SERPINI1: variants seen among roughly 807,000 people sequenced by gnomAD.
SERPINI1 encodes the protein serpin family I member 1.
SERPINI1 carries 19 observed loss-of-function variants against 41.1 expected under a neutral mutation model. The ratio of observed to expected loss-of-function variants is 0.46; its 90% confidence interval spans 0.32 to 0.68. The LOEUF is 0.68. SERPINI1 is among the 30% of genes least tolerant of loss of function. The pLI is 0.03. For synonymous variants in SERPINI1, 138 were observed against 156.6 expected (o/e 0.88, Z 0.89); for missense variants, 460 against 479.2 (o/e 0.96, Z 0.37).
chr3:167,776,173 A>G (rs989038649), intron 1 of SERPINI1, among the ~76,000 whole-genome samples: 10 of 152,248 alleles, frequency 6.6e-5, no homozygotes, highest in Middle Eastern at 3.4e-3. Context: ...GCCACATGCA[A>G]CCTTGATTGA....
At chr3:167,783,964 A>G (rs897538211) in intron 1 of SERPINI1, among the ~76,000 whole-genome samples, 8 of 152,172 alleles carry the variant, frequency 5.3e-5, no homozygotes, top group Admixed American at 5.2e-4. Context: ...TCTTGGCAGA[A>G]TGTGTCATCA....
chr3:167,792,889 G>A, intron 4 of SERPINI1, 105 bp downstream of exon 4: 3 of 986,496 alleles, frequency 3.0e-6, no homozygotes, highest in Non-Finnish European at 4.7e-6. Flanking sequence ...ATCTAATTTG[G>A]GCTACAATTC....
At position 167,751,350 on chromosome 3, in the gene SERPINI1, A is replaced by T. The variant is rs565458793; in HGVS notation, c.-19+15527A>T. On this transcript the variant is annotated intron_variant, in intron 1 of 8. Coordinates refer to ENST00000446050, the MANE Select transcript of SERPINI1 (RefSeq NM_001122752.2). ...TAAATTTAAAATATGCTATTGAATTATTAACATAGTTTTTGGAATATGTCT... is the reference window on the plus strand; with the variant it reads ...TAAATTTAAAATATGCTATTGAATTTTTAACATAGTTTTTGGAATATGTCT... Among the ~76,000 whole-genome samples the T allele has an allele frequency of 2.3e-4, 35 of 152,226 alleles. 1 individual carries two copies. The highest frequency in any genetic ancestry group is 4.3e-4 in the Non-Finnish European group (29 of 68,036).
intron 1 of SERPINI1, among the ~76,000 whole-genome samples, chr3:167,755,002 G>C (rs1726153689): frequency 6.6e-6 from 1 of 152,110 alleles, no homozygotes; most frequent in Admixed American, 6.5e-5. Flanking sequence ...CCTTCCTGCA[G>C]CCTCATGCAG....
chr3:167,801,232 T>C (rs1727889203), intron 5 of SERPINI1, among the ~76,000 whole-genome samples: 1 of 152,254 alleles, frequency 6.6e-6, no homozygotes, highest in South Asian at 2.1e-4. Context: ...ATTTGTTATT[T>C]TCTAACACTT....
At chr3:167,790,347 A>C (rs776690447) in intron 2 of SERPINI1, 25 bp from the exon 3 acceptor site, 8 of 1,507,012 alleles carry the variant, frequency 5.3e-6, no homozygotes, top group Non-Finnish European at 7.4e-6. Flanking sequence ...TTCTACAAAT[A>C]AACTTATCCT....
chr3:167,793,762 A>G (rs1727612773), intron 4 of SERPINI1, among the ~76,000 whole-genome samples: 1 of 151,068 alleles, frequency 6.6e-6, no homozygotes, highest in Non-Finnish European at 1.5e-5. Context: ...CTAAAATTAT[A>G]TACATACAGG....
intron 1 of SERPINI1, among the ~76,000 whole-genome samples, chr3:167,778,628 A>T (rs1295134066): frequency 6.6e-6 from 1 of 152,196 alleles, no homozygotes; most frequent in African/African-American, 2.4e-5. Flanking sequence ...TTAGATTTTG[A>T]TAATAGTGAT....
chr3:167,790,434 G>A lies in SERPINI1; in HGVS notation c.313G>A (p.Val105Met), dbSNP rs746853003. 1 of 1,614,016 alleles carries A rather than the reference G, an allele frequency of 6.2e-7. No homozygotes were observed. Among genetic ancestry groups the A allele is most frequent in the Non-Finnish European group, 8.5e-7 (1 of 1,179,912 alleles). The part of the protein sequence containing the change: ...NMVTAKESQY[V>M]MKIANSLFVQ... ...GGTAACTGCTAAAGAGAGCCAATAT[G>A]TGATGAAAATTGCCAATTCCTTGTT... Residue 105 changes from valine to methionine, a missense_variant, in exon 3 of 9, where the codon GTG becomes ATG. By Grantham distance (21) the Val-to-Met change is conservative (BLOSUM62 1). Transcript: ENST00000446050.
chr3:167,786,939 G>A (rs929217340), intron 1 of SERPINI1, among the ~76,000 whole-genome samples: 2 of 152,172 alleles, frequency 1.3e-5, no homozygotes, highest in African/African-American at 4.8e-5. Context: ...GTGTAAGTGT[G>A]TAACAACACT....
At position 167,759,747 on chromosome 3, in the gene SERPINI1, C is replaced by G. The variant is rs145806966; in HGVS notation, c.-19+23924C>G. 7.0e-4 allele frequency among the ~76,000 whole-genome samples: 106 copies of G among 152,048 alleles called. No homozygotes were observed. The East Asian group carries it at 7.6e-3, about 11-fold the overall frequency. Reference sequence around the variant, plus strand: ...ATCACACAATATGTCCATGTAACCTCCACATGTACTCCCTGAAACTAAAAT... The same window carrying G: ...ATCACACAATATGTCCATGTAACCTGCACATGTACTCCCTGAAACTAAAAT... On this transcript the variant is annotated intron_variant, in intron 1 of 8. Transcript: ENST00000446050.
In SERPINI1 at chr3:167,825,139, G is replaced by A. The variant is rs187386762; in HGVS notation, c.1157-108G>A. 2.6e-4 allele frequency: 205 copies of A among 800,706 alleles called. No individual in the cohort carries two copies. The African/African-American group carries it at 3.2e-3, about 13-fold the overall frequency. The allele number at this position is 800,706 out of a possible 1,614,324, so 49.6% of individuals were successfully genotyped here. ...AGGACAGGAGGAAGGAAGGAAGGAA[G>A]GAAGGAAGGAGAAAATAACATATTT... is the stretch of plus-strand genomic sequence containing the variant. On this transcript the variant is annotated intron_variant, in intron 8 of 8. Transcript: ENST00000446050.
intron 6 of SERPINI1, among the ~76,000 whole-genome samples, chr3:167,815,418 C>G (rs537597732): frequency 6.7e-6 from 1 of 149,634 alleles, no homozygotes; most frequent in Admixed American, 6.7e-5. Context: ...GAGATGGAGT[C>G]TCACTCTGTC....
At chr3:167,789,082 T>G in intron 1 of SERPINI1, 29 bp from the exon 2 acceptor site, 1 of 1,602,412 alleles carries the variant, frequency 6.2e-7, no homozygotes, top group Middle Eastern at 2.0e-4. Context: ...AGATAACTAA[T>G]AATTAATATG....
At chr3:167,777,904 T>C (rs1402766800) in intron 1 of SERPINI1, among the ~76,000 whole-genome samples, 1 of 152,170 alleles carries the variant, frequency 6.6e-6, no homozygotes, top group African/African-American at 2.4e-5. Flanking sequence ...TTAATGCTGT[T>C]ATCATGGGAG....
At chr3:167,820,932 A>G (rs1031466869) in intron 6 of SERPINI1, among the ~76,000 whole-genome samples, 4 of 152,262 alleles carry the variant, frequency 2.6e-5, no homozygotes, top group Admixed American at 1.3e-4. Flanking sequence ...TCTGAAGCCT[A>G]TAAAAACCCC....
At chr3:167,753,975 T>A (rs2108536138) in intron 1 of SERPINI1, among the ~76,000 whole-genome samples, 1 of 152,346 alleles carries the variant, frequency 6.6e-6, no homozygotes, top group African/African-American at 2.4e-5. Context: ...TAGCCCTTAA[T>A]GTTTTTTAAA....
rs527358493 is a variant in SERPINI1 at position 167,821,012 on chromosome 3, T to C, written c.980-1974T>C. 3.9e-5 allele frequency among the ~76,000 whole-genome samples: 6 copies of C among 152,134 alleles called. No homozygotes were observed. In the South Asian group the frequency reaches 1.2e-3, roughly 31 times the overall value. On this transcript the variant is annotated intron_variant, in intron 6 of 8. Coordinates refer to ENST00000446050, the MANE Select transcript of SERPINI1 (RefSeq NM_001122752.2). The stretch of plus-strand genomic sequence containing the variant: ...AGAGAGGAGCTACCCACTGTGGGTC[T>C]CCTCTCTGCTAAGAGTTGGACACTC...
At chr3:167,741,413 G>T (rs1023721632) in intron 1 of SERPINI1, among the ~76,000 whole-genome samples, 1 of 152,094 alleles carries the variant, frequency 6.6e-6, no homozygotes, top group African/African-American at 2.4e-5. Context: ...TCCACTCCTA[G>T]CATCTTGGCT....
Sources: gnomAD v4.1 joint callset for allele counts (sites outside exome capture counted in the v4.1 genomes callset) on GRCh38, gnomAD v4.1.1 for gene constraint, MANE v1.5 for transcripts, NCBI Gene and HGNC (gene_info 2026-07-23, HGNC 2026-07-21) for gene names.